IL12RB2: variants seen among roughly 807,000 people sequenced by gnomAD.
IL12RB2 encodes the protein interleukin-12 receptor subunit beta-2.
In IL12RB2, 82 loss-of-function variants were observed where a neutral mutation model predicts 89.4. The observed-to-expected ratio is 0.92, with a 90% CI of 0.77 to 1.10. The LOEUF is 1.10. IL12RB2 is among the 50% of genes least tolerant of loss of function. The probability of loss-of-function intolerance (pLI) is 0.00; values close to 1 mark genes in which losing one functional copy is unlikely to be tolerated. For synonymous variants in IL12RB2, 368 were observed against 370.1 expected (o/e 0.99, Z 0.07); for missense variants, 963 against 1,031.9 (o/e 0.93, Z 0.92).
intron 1 of IL12RB2, 105 bp downstream of exon 1, chr1:67,308,072 G>C (rs1654510616): frequency 6.6e-6 from 1 of 151,348 alleles, no homozygotes; most frequent in African/African-American, 2.4e-5. Flanking sequence ...CTCCCGAGGG[G>C]GCTTCGGCGA....
chr1:67,334,341 G>C (rs1658476732), intron 8 of IL12RB2, among the ~76,000 whole-genome samples: 2 of 152,198 alleles, frequency 1.3e-5, no homozygotes, highest in African/African-American at 4.8e-5. Flanking sequence ...TGTCGCAACT[G>C]CTAAATGTGC....
chr1:67,395,056 T>TC (rs1666216963), intron 16 of IL12RB2, among the ~76,000 whole-genome samples: 1 of 151,914 alleles, frequency 6.6e-6, no homozygotes, highest in South Asian at 2.1e-4. Context: ...TCACTTGAGG[T>TC]CAGGAGTTCG....
Position 67,367,903 on chromosome 1 carries a change from A to C in IL12RB2, c.1337A>C (p.Lys446Thr), listed in dbSNP as rs1662884206. The part of the protein sequence containing the change: ...NILVTWQPPR[K>T]DPSAVQEYVV... The stretch of plus-strand genomic sequence containing the variant: ...CTGGTGACTTGGCAGCCTCCCAGGA[A>C]AGATCCCTCTGCTGTTCAGGAGTAC... Residue 446 changes from lysine to threonine, a missense_variant, in exon 11 of 17, where the codon AAA becomes ACA. Physicochemically the swap from Lys to Thr is moderately conservative, Grantham distance 78. Coordinates refer to ENST00000674203, the MANE Select transcript of IL12RB2 (RefSeq NM_001374259.2). The C allele has an allele frequency of 6.2e-7, 1 of 1,607,966 alleles. No homozygotes were observed. The highest frequency in any genetic ancestry group is 8.5e-7 in the Non-Finnish European group (1 of 1,174,492).
intron 1 of IL12RB2, among the ~76,000 whole-genome samples, chr1:67,309,464 A>C (rs2100483417): frequency 6.6e-6 from 1 of 152,316 alleles, no homozygotes; most frequent in Non-Finnish European, 1.5e-5. Flanking sequence ...TGTCCAACAC[A>C]TAACTAAAAG....
At chr1:67,382,512 C>T (rs181609586) in intron 14 of IL12RB2, among the ~76,000 whole-genome samples, 1 of 152,250 alleles carries the variant, frequency 6.6e-6, no homozygotes, top group East Asian at 1.9e-4. Flanking sequence ...TACACATGGT[C>T]CTGTTTACCC....
At chr1:67,353,541 A>C (rs1661068168) in intron 10 of IL12RB2, among the ~76,000 whole-genome samples, 1 of 152,200 alleles carries the variant, frequency 6.6e-6, no homozygotes, top group Non-Finnish European at 1.5e-5. Context: ...TGCACTCCAG[A>C]CTGGGTGAAA....
intron 10 of IL12RB2, among the ~76,000 whole-genome samples, chr1:67,366,399 C>G (rs888417095): frequency 2.1e-5 from 3 of 142,084 alleles, no homozygotes; most frequent in African/African-American, 7.9e-5. Flanking sequence ...CGCAGTGAGC[C>G]GAGATGGTGC....
intron 1 of IL12RB2, among the ~76,000 whole-genome samples, chr1:67,308,182 G>A (rs946421328): frequency 2.6e-5 from 4 of 152,054 alleles, no homozygotes; most frequent in African/African-American, 9.7e-5. Context: ...AACGCCCTGG[G>A]CACAGATGTT....
At chr1:67,351,940 TA>T (rs2100850840) in intron 10 of IL12RB2, among the ~76,000 whole-genome samples, 1 of 152,338 alleles carries the variant, frequency 6.6e-6, no homozygotes, top group East Asian at 1.9e-4. Flanking sequence ...AAATGCCTAA[TA>T]GAGTAAAACT....
At position 67,326,846 on chromosome 1, in the gene IL12RB2, T is replaced by C. The variant is rs775846136; in HGVS notation, c.476T>C (p.Leu159Pro). Residue 159 changes from leucine to proline, a missense_variant, in exon 5 of 17, where the codon CTA becomes CCA. Leu to Pro is a moderately conservative substitution (Grantham distance 98). Coordinates refer to ENST00000674203, the MANE Select transcript of IL12RB2 (RefSeq NM_001374259.2). Reference sequence around the variant, plus strand: ...ACCCACTTATACACTGAGTATACTCTACAGTGAGTGAGAGGCTGTATTTTT... The same window carrying C: ...ACCCACTTATACACTGAGTATACTCCACAGTGAGTGAGAGGCTGTATTTTT... ...RDTHLYTEYT[L>P]QLSGPKNLTW... The C allele has an allele frequency of 1.3e-6, 2 of 1,531,690 alleles. No homozygotes were observed. Among genetic ancestry groups the C allele is most frequent in the South Asian group, 2.8e-5 (2 of 71,516 alleles). 94.9% of individuals were successfully genotyped at this position (1,531,690 alleles called of 1,614,324 possible). A position where few individuals can be genotyped will look rare whatever the true frequency, so the allele number is the denominator to read the frequency against.
intron 1 of IL12RB2, among the ~76,000 whole-genome samples, chr1:67,309,045 C>CATATATATATATATATATAT (rs146292829): frequency 1.3e-5 from 2 of 149,366 alleles, no homozygotes; most frequent in African/African-American, 4.9e-5. Context: ...CATACATATA[C>CATATATATATATATATATAT]ATATATATAT....
At chr1:67,313,189 T>A (rs1655314717) in intron 1 of IL12RB2, among the ~76,000 whole-genome samples, 1 of 144,982 alleles carries the variant, frequency 6.9e-6, no homozygotes, top group Non-Finnish European at 1.5e-5. Context: ...GATTTGATTA[T>A]CCTTTTCCAT....
At chr1:67,394,475 G>A (rs1280778677) in intron 16 of IL12RB2, among the ~76,000 whole-genome samples, 1 of 152,146 alleles carries the variant, frequency 6.6e-6, no homozygotes, top group African/African-American at 2.4e-5. Context: ...GAGAAAATAA[G>A]TGAGAGAATT....
chr1:67,326,809 AGAGGAC>A lies in IL12RB2; in HGVS notation c.443_448del (p.Gly148_Arg149del), dbSNP rs1271729416. ...GGGGACTGTGGCCTGCACCTGGGAAAGAGGACGAGACACCCACTTATACACTGAGTA... is the reference window on the plus strand; with the variant it reads ...GGGGACTGTGGCCTGCACCTGGGAAAGAGACACCCACTTATACACTGAGTA... On this transcript the variant is annotated inframe_deletion, in exon 5 of 17. Transcript: ENST00000674203. 2 of 1,613,834 alleles carry A rather than the reference AGAGGAC, an allele frequency of 1.2e-6. No homozygotes were observed. Among genetic ancestry groups the A allele is most frequent in the Non-Finnish European group, 1.7e-6 (2 of 1,179,862 alleles).
intron 16 of IL12RB2, 45 bp downstream of exon 16, chr1:67,390,173 TCAC>T (rs1311157554): frequency 3.4e-6 from 3 of 871,236 alleles, no homozygotes; most frequent in Non-Finnish European, 2.0e-6. Flanking sequence ...GTTCTAGTGA[TCAC>T]CACATCTAAG....
At chr1:67,329,564 T>G (rs199980983) in intron 6 of IL12RB2, 23 bp from the exon 7 acceptor site, 5 of 1,508,502 alleles carry the variant, frequency 3.3e-6, no homozygotes, top group Non-Finnish European at 3.7e-6. Flanking sequence ...GAACCACACT[T>G]TTTTGTTTGT....
At chr1:67,312,185 G>C (rs1655152677) in intron 1 of IL12RB2, among the ~76,000 whole-genome samples, 2 of 152,196 alleles carry the variant, frequency 1.3e-5, no homozygotes, top group Admixed American at 1.3e-4. Flanking sequence ...CAAGGATGGT[G>C]CCCGGGGCCT....
intron 4 of IL12RB2, among the ~76,000 whole-genome samples, chr1:67,322,551 C>T (rs1656699591): frequency 6.6e-6 from 1 of 151,742 alleles, no homozygotes; most frequent in South Asian, 2.1e-4. Flanking sequence ...AGGAAAGGGA[C>T]AAAAGCAAAT....
At chr1:67,374,632 T>C (rs150497140) in intron 13 of IL12RB2, among the ~76,000 whole-genome samples, 2 of 152,016 alleles carry the variant, frequency 1.3e-5, no homozygotes, top group African/African-American at 2.4e-5. Context: ...TGTACCACCA[T>C]GCCCTGCTAA....
Sources: gnomAD v4.1 joint callset for allele counts (sites outside exome capture counted in the v4.1 genomes callset) on GRCh38, gnomAD v4.1.1 for gene constraint, MANE v1.5 for transcripts, NCBI Gene and HGNC (gene_info 2026-07-23, HGNC 2026-07-21) for gene names.